The following KATNAL1 variants were observed in gnomAD, a reference collection of about 807,000 sequenced individuals.
KATNAL1 encodes katanin p60 ATPase-containing subunit A-like 1.
In KATNAL1, 32 loss-of-function variants were observed where a neutral mutation model predicts 55.2. The ratio of observed to expected loss-of-function variants is 0.58; its 90% CI spans 0.44 to 0.78. The LOEUF is 0.78. Among genes scored for constraint, KATNAL1 ranks in the 30% least tolerant of loss-of-function variants. The pLI, the probability that KATNAL1 is intolerant of heterozygous loss-of-function variation, is 0.00. For missense variants in KATNAL1, 466 were observed against 600.9 expected (o/e 0.78, Z 2.35); for synonymous variants, 193 against 193.6 (o/e 1.00, Z 0.02).
chr13:30,216,758 G>A (rs983649548), intron 9 of KATNAL1, among the ~76,000 whole-genome samples: 2 of 152,262 alleles, frequency 1.3e-5, no homozygotes, highest in Non-Finnish European at 2.9e-5. Context: ...TGCGCCTGAT[G>A]TCCAGGTAAG....
intron 1 of KATNAL1, among the ~76,000 whole-genome samples, chr13:30,298,176 CT>C (rs566721071): frequency 8.2e-4 from 125 of 152,280 alleles, no homozygotes; most frequent in African/African-American, 2.8e-3. Context: ...GCAATATTTG[CT>C]TTACCAAAAT....
chr13:30,231,520 T>G (rs903032032), intron 6 of KATNAL1, 48 bp from the exon 7 acceptor site: 64 of 1,272,806 alleles, frequency 5.0e-5, no homozygotes, highest in Non-Finnish European at 6.4e-5. Flanking sequence ...TTAAAAAATT[T>G]TTTTATAAAT....
chr13:30,303,705 T>C (rs545109902), intron 1 of KATNAL1, among the ~76,000 whole-genome samples: 31 of 152,366 alleles, frequency 2.0e-4, no homozygotes, highest in African/African-American at 5.0e-4. Context: ...TTTAGAGCCA[T>C]TGAGCTCTCA....
intron 3 of KATNAL1, among the ~76,000 whole-genome samples, chr13:30,274,903 G>GCACACA (rs1232536025): frequency 2.7e-4 from 25 of 93,698 alleles, no homozygotes; most frequent in Non-Finnish European, 4.5e-4. Flanking sequence ...GCGCGCGCGC[G>GCACACA]CGCGCACACA....
intron 3 of KATNAL1, among the ~76,000 whole-genome samples, chr13:30,258,674 TTTTAC>T (rs1242773452): frequency 7.9e-5 from 12 of 152,112 alleles, no homozygotes; most frequent in African/African-American, 2.6e-4. Flanking sequence ...CTTCTAGAAG[TTTTAC>T]TTTATTACTT....
Position 30,205,671 on chromosome 13 carries a change from A to AG in KATNAL1, c.*2868dup, listed in dbSNP as rs368040449. 6.8e-6 allele frequency: 1 copy of AG among 146,130 alleles called. No homozygotes were observed. The highest frequency in any genetic ancestry group is 2.6e-5 in the African/African-American group (1 of 37,936). 9.1% of individuals were successfully genotyped at this position (146,130 alleles called of 1,614,324 possible). A position where few individuals can be genotyped will look rare whatever the true frequency, so the allele number is the denominator to read the frequency against. The stretch of plus-strand genomic sequence containing the variant: ...GTGTGTGTGATGTACATTAAAAGTT[A>AG]GGGCTGGGCACAGTGGCTCACGCCT... On this transcript the variant is annotated 3_prime_UTR_variant, in exon 11 of 11. Coordinates refer to ENST00000380615, the MANE Select transcript of KATNAL1 (RefSeq NM_032116.5).
At chr13:30,283,977 G>C (rs777920145) in intron 1 of KATNAL1, among the ~76,000 whole-genome samples, 186 bp from the exon 2 acceptor site, 4 of 151,112 alleles carry the variant, frequency 2.6e-5, no homozygotes, top group Non-Finnish European at 4.4e-5. Context: ...CCAGGTTCAA[G>C]TGATTCCTGA....
chr13:30,220,013 C>T (rs1296688270), intron 9 of KATNAL1, among the ~76,000 whole-genome samples: 3 of 151,942 alleles, frequency 2.0e-5, no homozygotes, highest in Admixed American at 6.6e-5. Flanking sequence ...AATTAAAGTT[C>T]AAAAAACAAA....
At chr13:30,243,402 T>C (rs1299527785) in intron 4 of KATNAL1, among the ~76,000 whole-genome samples, 8 of 152,058 alleles carry the variant, frequency 5.3e-5, no homozygotes, top group Admixed American at 5.2e-4. Context: ...ACTGGCAGAT[T>C]AAGTAAAACA....
At chr13:30,263,446 G>C (rs1229327880) in intron 3 of KATNAL1, among the ~76,000 whole-genome samples, 8 of 150,896 alleles carry the variant, frequency 5.3e-5, no homozygotes. Flanking sequence ...GTTTGCAGAC[G>C]ACATGATTGT....
chr13:30,210,223 TAAC>T, intron 10 of KATNAL1, 90 bp downstream of exon 10: 1 of 1,040,458 alleles, frequency 9.6e-7, no homozygotes, highest in Non-Finnish European at 1.3e-6. Context: ...CTTTCATGTC[TAAC>T]TACACTGGGC....
intron 2 of KATNAL1, among the ~76,000 whole-genome samples, chr13:30,283,053 A>T (rs1342992463): frequency 6.6e-6 from 1 of 151,682 alleles, no homozygotes; most frequent in Admixed American, 6.6e-5. Flanking sequence ...GTGGATCACT[A>T]GGTCAGGAAT....
chr13:30,297,981 A>G (rs1378281476), intron 1 of KATNAL1, among the ~76,000 whole-genome samples: 2 of 152,214 alleles, frequency 1.3e-5, no homozygotes, highest in Admixed American at 6.5e-5. Context: ...ATACCCATGT[A>G]ACAAACGTGC....
intron 9 of KATNAL1, among the ~76,000 whole-genome samples, chr13:30,215,038 A>G (rs898943634): frequency 1.3e-5 from 2 of 151,906 alleles, no homozygotes; most frequent in African/African-American, 4.8e-5. Context: ...ACAAAGGGCT[A>G]ATATCCAGAA....
At chr13:30,261,071 T>G (rs1879248299) in intron 3 of KATNAL1, among the ~76,000 whole-genome samples, 1 of 151,936 alleles carries the variant, frequency 6.6e-6, no homozygotes, top group African/African-American at 2.4e-5. Context: ...TATTCAACAT[T>G]CTTAAAGAAA....
Position 30,289,198 on chromosome 13 carries a change from T to C in KATNAL1, c.-14-5407A>G, listed in dbSNP as rs116634260. On this transcript the variant is annotated intron_variant, in intron 1 of 10. Transcript: ENST00000380615. ...AGCCTTGACTTTTCAAATAAACAACTGAGCAGTATTGGTAACATCTGTCAA... is the reference window on the plus strand; with the variant it reads ...AGCCTTGACTTTTCAAATAAACAACCGAGCAGTATTGGTAACATCTGTCAA... Among the ~76,000 whole-genome samples, 171 of 152,320 alleles carry C rather than the reference T, an allele frequency of 1.1e-3. 1 individual carries two copies. The highest frequency in any genetic ancestry group is 3.8e-3 in the African/African-American group (158 of 41,578).
At chr13:30,261,687 C>T (rs936857153) in intron 3 of KATNAL1, among the ~76,000 whole-genome samples, 65 of 152,106 alleles carry the variant, frequency 4.3e-4, no homozygotes, top group African/African-American at 1.6e-3. Flanking sequence ...TATATATGCA[C>T]CCAATACAGG....
At chr13:30,296,737 C>A in intron 1 of KATNAL1, 1 of 531,564 alleles carries the variant, frequency 1.9e-6, no homozygotes. Flanking sequence ...CAAAATTAGG[C>A]TGGCCAATGG....
intron 3 of KATNAL1, among the ~76,000 whole-genome samples, chr13:30,272,913 T>C (rs1880489841): frequency 1.3e-5 from 2 of 152,232 alleles, no homozygotes; most frequent in African/African-American, 2.4e-5. Flanking sequence ...TTCTCCTTGC[T>C]GAAATGATTG....
Sources: allele counts gnomAD v4.1 joint callset (sites outside exome capture counted in the v4.1 genomes callset), GRCh38; gene constraint gnomAD v4.1.1; transcripts MANE v1.5; gene names NCBI Gene and HGNC (gene_info 2026-07-23, HGNC 2026-07-21).